Variants in PLCB4 observed in about 807,000 individuals in gnomAD.
The protein encoded by PLCB4 is phospholipase C beta 4.
PLCB4 carries 77 observed loss-of-function variants against 178.8 expected under a neutral mutation model. That is an observed-to-expected ratio of 0.43 (90% CI 0.36 to 0.52). The LOEUF (loss-of-function observed/expected upper bound fraction) is 0.52, where lower values mean the gene tolerates loss of function less well. PLCB4 is among the 20% of genes least tolerant of loss of function. The pLI is 0.00. For synonymous variants in PLCB4, 496 were observed against 490.8 expected, an observed-to-expected ratio of 1.01 and a Z score of -0.14; for missense variants, 1,024 against 1,453.4, an observed-to-expected ratio of 0.70 and a Z score of 4.80.
rs555456759 is a variant in PLCB4 at position 9,123,949 on chromosome 20, G to A, written c.-79+27607G>A. 7.9e-5 allele frequency among the ~76,000 whole-genome samples: 12 copies of A among 152,216 alleles called. No individual in the cohort carries two copies. In the South Asian group the frequency reaches 2.3e-3, roughly 29 times the overall value. On this transcript the variant is annotated intron_variant, in intron 2 of 39. Transcript: ENST00000378473. ...TATTCAGTGTTGTAGCACAAAAGCA[G>A]CCACAGGCAATACCTAAGTGAGTGG...
At chr20:9,405,189 C>G in intron 20 of PLCB4, 124 bp from the exon 21 acceptor site, 1 of 574,004 alleles carries the variant, frequency 1.7e-6, no homozygotes, top group Non-Finnish European at 3.1e-6. Flanking sequence ...AATGTCCCAC[C>G]TTAGCAAATA....
At chr20:9,209,626 TC>T (rs1317893076) in intron 2 of PLCB4, among the ~76,000 whole-genome samples, 1 of 152,064 alleles carries the variant, frequency 6.6e-6, no homozygotes, top group Non-Finnish European at 1.5e-5. Context: ...GTTGATGGCC[TC>T]TAGGAGCTGA....
intron 2 of PLCB4, among the ~76,000 whole-genome samples, chr20:9,175,496 A>G (rs916604512): frequency 6.6e-6 from 1 of 152,188 alleles, no homozygotes; most frequent in Non-Finnish European, 1.5e-5. Flanking sequence ...CATCAGGAAG[A>G]AATAGTCCTT....
chr20:9,103,267 C>A (rs1297357626), intron 2 of PLCB4, among the ~76,000 whole-genome samples: 3 of 152,116 alleles, frequency 2.0e-5, no homozygotes, highest in African/African-American at 2.4e-5. Context: ...TTTTAACATG[C>A]AGCTTATATC....
At position 9,107,021 on chromosome 20, in the gene PLCB4, A is replaced by C. The variant is rs1600450212; in HGVS notation, c.-79+10679A>C. Among the ~76,000 whole-genome samples the C allele has an allele frequency of 2.6e-5, 4 of 152,298 alleles. No individual in the cohort carries two copies. In the South Asian group the frequency reaches 8.3e-4, roughly 32 times the overall value. On this transcript the variant is annotated intron_variant, in intron 2 of 39. Coordinates refer to ENST00000378473, the MANE Select transcript of PLCB4 (RefSeq NM_001377142.1). ...TTATAGAAAATTTCAAATATACACA[A>C]AAGTAGAATGAATGCCTAAACCATC...
intron 28 of PLCB4, among the ~76,000 whole-genome samples, chr20:9,431,972 A>C (rs1423276150): frequency 6.6e-6 from 1 of 152,228 alleles, no homozygotes; most frequent in Non-Finnish European, 1.5e-5. Flanking sequence ...AATGACAAAG[A>C]AATCATTTTT....
chr20:9,220,732 C>G (rs914716162), intron 3 of PLCB4, among the ~76,000 whole-genome samples: 2 of 152,196 alleles, frequency 1.3e-5, no homozygotes, highest in African/African-American at 4.8e-5. Context: ...CATTTTGCCT[C>G]TACTTTAGAG....
chr20:9,258,119 C>T (rs999612463), intron 3 of PLCB4, among the ~76,000 whole-genome samples: 3 of 152,084 alleles, frequency 2.0e-5, no homozygotes, highest in South Asian at 2.1e-4. Flanking sequence ...AATAAAGATG[C>T]GCACACACAC....
At chr20:9,111,164 G>A (rs1320322566) in intron 2 of PLCB4, among the ~76,000 whole-genome samples, 1 of 152,100 alleles carries the variant, frequency 6.6e-6, no homozygotes, top group Non-Finnish European at 1.5e-5. Flanking sequence ...TTCCTGAAAG[G>A]GCTCTATGAC....
At chr20:9,147,317 G>C (rs2092615344) in intron 2 of PLCB4, among the ~76,000 whole-genome samples, 1 of 152,124 alleles carries the variant, frequency 6.6e-6, no homozygotes, top group South Asian at 2.1e-4. Context: ...TGTTCCAAAA[G>C]TAGTCATTAC....
chr20:9,438,636 A>C (rs1042701761), intron 30 of PLCB4, among the ~76,000 whole-genome samples: 10 of 152,180 alleles, frequency 6.6e-5, no homozygotes, highest in Non-Finnish European at 8.8e-5. Context: ...AAGAAGAAGG[A>C]GGGACAGAGA....
At chr20:9,308,987 T>G (rs1356725296) in intron 4 of PLCB4, among the ~76,000 whole-genome samples, 1 of 152,200 alleles carries the variant, frequency 6.6e-6, no homozygotes, top group African/African-American at 2.4e-5. Context: ...GCAGTTTTCT[T>G]CTAGTCTTTT....
intron 2 of PLCB4, among the ~76,000 whole-genome samples, chr20:9,191,817 C>T (rs1210472744): frequency 6.6e-6 from 1 of 151,530 alleles, no homozygotes; most frequent in Admixed American, 6.6e-5. Context: ...TTTTCCATCT[C>T]GAATATATTT....
At chr20:9,144,836 C>T (rs1377975381) in intron 2 of PLCB4, among the ~76,000 whole-genome samples, 2 of 151,874 alleles carry the variant, frequency 1.3e-5, no homozygotes, top group South Asian at 2.1e-4. Context: ...TCCCAGAGAA[C>T]AAGGCCATAC....
At chr20:9,230,217 G>A (rs563742962) in intron 3 of PLCB4, among the ~76,000 whole-genome samples, 19 of 152,166 alleles carry the variant, frequency 1.2e-4, no homozygotes, top group African/African-American at 4.3e-4. Flanking sequence ...CTGGATTTGG[G>A]CCCACCCCAA....
intron 2 of PLCB4, among the ~76,000 whole-genome samples, chr20:9,132,802 C>A (rs1233669994): frequency 6.6e-6 from 1 of 152,136 alleles, no homozygotes; most frequent in Non-Finnish European, 1.5e-5. Context: ...GCCTCTAGGG[C>A]AATGGTTCTC....
intron 1 of PLCB4, among the ~76,000 whole-genome samples, chr20:9,074,186 G>T (rs1195018661): frequency 6.6e-6 from 1 of 152,138 alleles, no homozygotes; most frequent in Non-Finnish European, 1.5e-5. Flanking sequence ...AGCCTCAGTT[G>T]CCCTATCTGT....
chr20:9,091,674 G>T (rs1408509381), intron 1 of PLCB4, among the ~76,000 whole-genome samples: 1 of 150,666 alleles, frequency 6.6e-6, no homozygotes, highest in African/African-American at 2.4e-5. Flanking sequence ...TGAAATACTA[G>T]ATGCAAAGTG....
At chr20:9,121,920 G>A (rs1472439059) in intron 2 of PLCB4, among the ~76,000 whole-genome samples, 1 of 152,138 alleles carries the variant, frequency 6.6e-6, no homozygotes, top group Non-Finnish European at 1.5e-5. Context: ...TAGTTTTCAA[G>A]TCGAATTATT....
Sources: gnomAD v4.1 joint callset for allele counts (sites outside exome capture counted in the v4.1 genomes callset) on GRCh38, gnomAD v4.1.1 for gene constraint, MANE v1.5 for transcripts, NCBI Gene and HGNC (gene_info 2026-07-23, HGNC 2026-07-21) for gene names.